Variants in LSAMP observed in about 807,000 individuals in gnomAD.
The protein encoded by LSAMP is limbic system-associated membrane protein.
A neutral mutation model predicts 38.6 loss-of-function variants in LSAMP; 7 were observed. That is an observed-to-expected ratio of 0.18 (90% CI 0.10 to 0.34). LSAMP has a LOEUF of 0.34. Ranked by LOEUF, LSAMP falls within the 10% of genes least tolerant of loss-of-function variation. LSAMP has a pLI of 1.00. For synonymous variants in LSAMP, 154 were observed against 166.8 expected (o/e 0.92, Z 0.59); for missense variants, 313 against 420.0 (o/e 0.75, Z 2.23).
In LSAMP at chr3:116,303,494, T is replaced by C. The variant is rs552971908; in HGVS notation, c.155+141383A>G. 1.2e-3 allele frequency among the ~76,000 whole-genome samples: 177 copies of C among 152,276 alleles called. 1 individual carries two copies. Among genetic ancestry groups the C allele is most frequent in the Admixed American group, 3.3e-3 (51 of 15,280 alleles). On this transcript the variant is annotated intron_variant, in intron 1 of 6. Transcript: ENST00000490035. Reference sequence around the variant, plus strand: ...ATTCTTTTTTTGGATTGAAATTCAGTGTCTAGTATCTCTGAGATGAAAACA... The same window carrying C: ...ATTCTTTTTTTGGATTGAAATTCAGCGTCTAGTATCTCTGAGATGAAAACA...
At chr3:116,073,811 T>C (rs1282719019) in intron 2 of LSAMP, among the ~76,000 whole-genome samples, 2 of 152,240 alleles carry the variant, frequency 1.3e-5, no homozygotes, top group African/African-American at 4.8e-5. Context: ...AGTTAATGTA[T>C]GCTTAGTTGT....
chr3:116,409,973 T>G (rs1483521818), intron 1 of LSAMP, among the ~76,000 whole-genome samples: 1 of 152,124 alleles, frequency 6.6e-6, no homozygotes, highest in Non-Finnish European at 1.5e-5. Flanking sequence ...CATTTCTCAC[T>G]GAGGCTAGTG....
chr3:116,048,537 C>T (rs1308359638), intron 2 of LSAMP, among the ~76,000 whole-genome samples: 1 of 152,152 alleles, frequency 6.6e-6, no homozygotes, highest in Non-Finnish European at 1.5e-5. Context: ...TAAACAGAGT[C>T]ACATGACTTC....
At chr3:116,085,805 A>G (rs1323396524) in intron 2 of LSAMP, among the ~76,000 whole-genome samples, 1 of 152,226 alleles carries the variant, frequency 6.6e-6, no homozygotes, top group African/African-American at 2.4e-5. Flanking sequence ...CATTAAGTAG[A>G]GATACAAACT....
chr3:115,860,461 T>C (rs1935642992), intron 3 of LSAMP, among the ~76,000 whole-genome samples: 1 of 152,066 alleles, frequency 6.6e-6, no homozygotes, highest in African/African-American at 2.4e-5. Context: ...AAGTATAGAG[T>C]GGGAGATTGA....
At chr3:116,076,141 C>T (rs1707737069) in intron 2 of LSAMP, among the ~76,000 whole-genome samples, 1 of 152,176 alleles carries the variant, frequency 6.6e-6, no homozygotes, top group Admixed American at 6.5e-5. Flanking sequence ...GTGACATGAC[C>T]ATATGTGGTA....
chr3:116,221,844 AGTGTGTGTGT>A (rs58596077), intron 1 of LSAMP, among the ~76,000 whole-genome samples: 12 of 145,370 alleles, frequency 8.3e-5, no homozygotes, highest in African/African-American at 2.3e-4. Flanking sequence ...CCTAAAAAGA[AGTGTGTGTGT>A]GTGTGTGTGT....
intron 1 of LSAMP, among the ~76,000 whole-genome samples, chr3:116,317,653 C>T (rs2047650689): frequency 6.6e-6 from 1 of 151,836 alleles, no homozygotes; most frequent in Non-Finnish European, 1.5e-5. Flanking sequence ...CCGCGCCCGG[C>T]CCCAAAGACA....
At chr3:116,313,477 T>C (rs1471322497) in intron 1 of LSAMP, among the ~76,000 whole-genome samples, 2 of 152,158 alleles carry the variant, frequency 1.3e-5, no homozygotes, top group East Asian at 3.9e-4. Flanking sequence ...TTCTGCCCTC[T>C]CAATAATCTC....
At chr3:115,990,838 G>A (rs1000615762) in intron 3 of LSAMP, among the ~76,000 whole-genome samples, 2 of 152,010 alleles carry the variant, frequency 1.3e-5, no homozygotes, top group Non-Finnish European at 2.9e-5. Flanking sequence ...TTATTTGAAT[G>A]TAGATTCCTA....
chr3:116,216,200 T>A (rs561507557), intron 1 of LSAMP, among the ~76,000 whole-genome samples: 2 of 152,314 alleles, frequency 1.3e-5, no homozygotes, highest in East Asian at 3.9e-4. Flanking sequence ...TAGTCATGTC[T>A]TCTTTTAACC....
intron 1 of LSAMP, among the ~76,000 whole-genome samples, chr3:116,335,281 A>C (rs1018993546): frequency 6.6e-6 from 1 of 152,116 alleles, no homozygotes; most frequent in African/African-American, 2.4e-5. Flanking sequence ...TAAGATGTCA[A>C]TACTAACTAA....
chr3:116,069,992 A>G (rs1707561877), intron 2 of LSAMP, among the ~76,000 whole-genome samples: 1 of 152,212 alleles, frequency 6.6e-6, no homozygotes, highest in African/African-American at 2.4e-5. Flanking sequence ...CTGATGAAAC[A>G]TATAGGAATA....
intron 3 of LSAMP, among the ~76,000 whole-genome samples, chr3:115,898,740 A>G (rs1936795082): frequency 1.3e-5 from 2 of 152,040 alleles, no homozygotes; most frequent in African/African-American, 4.8e-5. Flanking sequence ...GACTTCACTT[A>G]GCAGAAAGCT....
At chr3:116,026,607 T>C (rs1940797824) in intron 2 of LSAMP, among the ~76,000 whole-genome samples, 1 of 152,160 alleles carries the variant, frequency 6.6e-6, no homozygotes, top group Non-Finnish European at 1.5e-5. Flanking sequence ...AAGGAGTGGG[T>C]ACAAGACCTA....
At chr3:116,215,867 G>A (rs904994430) in intron 1 of LSAMP, among the ~76,000 whole-genome samples, 1 of 152,140 alleles carries the variant, frequency 6.6e-6, no homozygotes, top group African/African-American at 2.4e-5. Context: ...TTAGATGATT[G>A]TAGAAGCACA....
intron 3 of LSAMP, among the ~76,000 whole-genome samples, chr3:115,867,634 C>T (rs372065958): frequency 1.3e-5 from 2 of 152,116 alleles, no homozygotes; most frequent in South Asian, 4.2e-4. Flanking sequence ...AGAAATCAAG[C>T]CAGCCAAACC....
intron 1 of LSAMP, among the ~76,000 whole-genome samples, chr3:116,103,380 G>A (rs551486239): frequency 2.7e-5 from 4 of 147,736 alleles, no homozygotes; most frequent in African/African-American, 7.6e-5. Context: ...ATACAGAATC[G>A]CTTGAACCTG....
At chr3:115,934,509 G>A (rs1237897030) in intron 3 of LSAMP, among the ~76,000 whole-genome samples, 1 of 152,024 alleles carries the variant, frequency 6.6e-6, no homozygotes, top group Non-Finnish European at 1.5e-5. Context: ...AAAGTGTTAT[G>A]GGGCTGAAGA....
Sources: gnomAD v4.1 joint callset for allele counts (sites outside exome capture counted in the v4.1 genomes callset) on GRCh38, gnomAD v4.1.1 for gene constraint, MANE v1.5 for transcripts, NCBI Gene and HGNC (gene_info 2026-07-23, HGNC 2026-07-21) for gene names.